MAN1A2: variants seen among roughly 807,000 people sequenced by gnomAD.
The protein encoded by MAN1A2 is mannosyl-oligosaccharide 1,2-alpha-mannosidase IB.
Under a neutral mutation model 75.7 loss-of-function variants are expected in MAN1A2, and 26 were observed. The ratio of observed to expected loss-of-function variants is 0.34; its 90% confidence interval spans 0.25 to 0.48. MAN1A2 has a LOEUF of 0.48. Ranked by LOEUF, MAN1A2 falls within the 20% of genes least tolerant of loss-of-function variation. The probability of loss-of-function intolerance (pLI) is 0.99; values close to 1 mark genes in which losing one functional copy is unlikely to be tolerated. For synonymous variants in MAN1A2, 247 were observed against 264.6 expected (o/e 0.93, Z 0.65); for missense variants, 562 against 775.5 (o/e 0.72, Z 3.27).
intron 8 of MAN1A2, among the ~76,000 whole-genome samples, chr1:117,468,236 C>CAAG (rs1207790339): frequency 3.9e-5 from 6 of 152,000 alleles, no homozygotes; most frequent in African/African-American, 1.4e-4. Context: ...GGGGAAAAGC[C>CAAG]CCTTATAAAA....
At chr1:117,393,203 G>C (rs1653788773) in intron 1 of MAN1A2, among the ~76,000 whole-genome samples, 1 of 152,156 alleles carries the variant, frequency 6.6e-6, no homozygotes, top group Non-Finnish European at 1.5e-5. Context: ...AATCATCTTA[G>C]ACCAGATTTG....
At chr1:117,484,064 A>C (rs1650587557) in intron 8 of MAN1A2, among the ~76,000 whole-genome samples, 1 of 151,850 alleles carries the variant, frequency 6.6e-6, no homozygotes. Context: ...GTGTAATCAA[A>C]ACTTCACATA....
At chr1:117,429,800 G>A (rs1385871642) in intron 5 of MAN1A2, among the ~76,000 whole-genome samples, 284 of 84,974 alleles carry the variant, frequency 3.3e-3, no homozygotes, top group East Asian at 0.011. Flanking sequence ...GGCTGGCCGG[G>A]CGGGGGGCCG....
At chr1:117,428,784 CT>C (rs780515731) in intron 5 of MAN1A2, among the ~76,000 whole-genome samples, 18,926 of 110,220 alleles carry the variant, frequency 0.17, 1,424 homozygotes, top group Middle Eastern at 0.32. Flanking sequence ...GGAGACCTTT[CT>C]TTTTTTTTTT....
intron 2 of MAN1A2, 151 bp downstream of exon 2, chr1:117,402,592 T>C: frequency 1.9e-6 from 1 of 514,794 alleles, no homozygotes; most frequent in Non-Finnish European, 3.1e-6. Flanking sequence ...GGACTAGAAC[T>C]CTTTCTTGTT....
intron 10 of MAN1A2, among the ~76,000 whole-genome samples, chr1:117,498,271 A>G (rs986436592): frequency 6.6e-6 from 1 of 151,866 alleles, no homozygotes; most frequent in Non-Finnish European, 1.5e-5. Flanking sequence ...CAGGATGGAT[A>G]TTCAATTTTA....
intron 6 of MAN1A2, among the ~76,000 whole-genome samples, chr1:117,454,656 C>T (rs2101828345): frequency 6.6e-6 from 1 of 152,146 alleles, no homozygotes; most frequent in Admixed American, 6.5e-5. Flanking sequence ...AACAGATTTA[C>T]ACAAAGAAGG....
At chr1:117,441,193 A>C (rs10923297) in intron 5 of MAN1A2, among the ~76,000 whole-genome samples, 1 of 151,804 alleles carries the variant, frequency 6.6e-6, no homozygotes. Flanking sequence ...ATGGGGATGC[A>C]TTACCTCTAT....
At chr1:117,390,734 T>C (rs1391580192) in intron 1 of MAN1A2, among the ~76,000 whole-genome samples, 2 of 152,042 alleles carry the variant, frequency 1.3e-5, no homozygotes, top group African/African-American at 2.4e-5. Context: ...TTCCCCCTAA[T>C]ATAGATTGGT....
At chr1:117,429,618 C>T (rs1648522105) in intron 5 of MAN1A2, among the ~76,000 whole-genome samples, 3 of 112,202 alleles carry the variant, frequency 2.7e-5, no homozygotes, top group African/African-American at 7.0e-5. Flanking sequence ...GGGCGGCTGG[C>T]CGGGCAGAGG....
At chr1:117,460,679 G>C (rs560920292) in intron 7 of MAN1A2, 67 bp downstream of exon 7, 15 of 1,486,472 alleles carry the variant, frequency 1.0e-5, no homozygotes, top group Non-Finnish European at 1.3e-5. Flanking sequence ...CCAAAGATTT[G>C]ATTAATGCTT....
chr1:117,456,289 T>C (rs966304118), intron 6 of MAN1A2, among the ~76,000 whole-genome samples: 7 of 151,996 alleles, frequency 4.6e-5, no homozygotes, highest in Non-Finnish European at 8.8e-5. Flanking sequence ...AGATAAAATA[T>C]TTACAGTATA....
chr1:117,415,919 A>T (rs1647975336), intron 4 of MAN1A2, among the ~76,000 whole-genome samples: 1 of 152,188 alleles, frequency 6.6e-6, no homozygotes, highest in African/African-American at 2.4e-5. Flanking sequence ...TTACTAACAC[A>T]GCCTCAACTA....
At chr1:117,504,926 C>T (rs1251544285) in intron 12 of MAN1A2, among the ~76,000 whole-genome samples, 1 of 151,370 alleles carries the variant, frequency 6.6e-6, no homozygotes, top group Non-Finnish European at 1.5e-5. Flanking sequence ...CTTAAAGAGA[C>T]ACATAATAGT....
chr1:117,396,097 A>G (rs1653897253), intron 1 of MAN1A2, among the ~76,000 whole-genome samples: 1 of 152,254 alleles, frequency 6.6e-6, no homozygotes, highest in Admixed American at 6.5e-5. Flanking sequence ...TTATGTAGGC[A>G]TCATTGATTG....
At chr1:117,408,427 T>C (rs963619092) in intron 3 of MAN1A2, among the ~76,000 whole-genome samples, 1 of 152,132 alleles carries the variant, frequency 6.6e-6, no homozygotes, top group African/African-American at 2.4e-5. Flanking sequence ...TAAAAAGTAT[T>C]CTTTGATTTT....
chr1:117,430,035 ACCCCCC>A (rs1430346392), intron 5 of MAN1A2, among the ~76,000 whole-genome samples: 1 of 29,798 alleles, frequency 3.4e-5, no homozygotes, highest in Admixed American at 2.6e-4. Flanking sequence ...TGGGGGGCTG[ACCCCCC>A]CACCTCCCTC....
At chr1:117,388,225 G>A (rs976796206) in intron 1 of MAN1A2, among the ~76,000 whole-genome samples, 1 of 152,064 alleles carries the variant, frequency 6.6e-6, no homozygotes. Context: ...GAGAGGGAAG[G>A]TTCAAAGCCT....
chr1:117,502,880 A>T lies in MAN1A2; in HGVS notation c.1703A>T (p.Asn568Ile). The part of the protein sequence containing the change: ...ALAIEKYCRV[N>I]GGFSGVKDVY... The stretch of plus-strand genomic sequence containing the variant: ...GCCATTGAAAAGTATTGCCGAGTTA[A>T]TGGTGGGTTTTCTGGAGTCAAAGAT... The change falls in exon 12 of 13, where the codon AAT becomes ATT. Residue 568 changes from asparagine (N) to isoleucine (I), a missense_variant. Around this residue, in one of 2 missense-constraint regions of MAN1A2, gnomAD observed 434 missense variants for 645.7 expected, o/e 0.67. Transcript: ENST00000356554. 6.2e-7 allele frequency: 1 copy of T among 1,604,376 alleles called. No homozygotes were observed. Among genetic ancestry groups the T allele is most frequent in the Non-Finnish European group, 8.5e-7 (1 of 1,172,964 alleles).
Sources: gnomAD v4.1 joint callset for allele counts (sites outside exome capture counted in the v4.1 genomes callset) on GRCh38, gnomAD v4.1.1 for gene constraint, gnomAD v4.1.1 regional missense constraint, MANE v1.5 for transcripts, NCBI Gene and HGNC (gene_info 2026-07-23, HGNC 2026-07-21) for gene names.